The following CCDC83 variants were observed in gnomAD, a reference collection of about 807,000 sequenced individuals.
The protein encoded by CCDC83 is coiled-coil domain-containing protein 83.
Under a neutral mutation model 50.1 loss-of-function variants are expected in CCDC83, and 54 were observed. The observed-to-expected ratio is 1.08, with a 90% CI of 0.87 to 1.35. CCDC83 has a LOEUF of 1.35. Ranked by LOEUF, CCDC83 falls within the 40% of genes most tolerant of loss-of-function variation. The pLI, the probability that CCDC83 is intolerant of heterozygous loss-of-function variation, is 0.00. For synonymous variants in CCDC83, 161 were observed against 153.3 expected, an observed-to-expected ratio of 1.05 and a Z score of -0.37; for missense variants, 518 against 473.9, an observed-to-expected ratio of 1.09 and a Z score of -0.86.
intron 1 of CCDC83, among the ~76,000 whole-genome samples, chr11:85,856,673 G>T (rs967897072): frequency 6.6e-6 from 1 of 152,118 alleles, no homozygotes; most frequent in Non-Finnish European, 1.5e-5. Flanking sequence ...ATCATCAGTC[G>T]TCCAAGTGAA....
chr11:85,859,956 A>T (rs2093165758), intron 1 of CCDC83, among the ~76,000 whole-genome samples: 1 of 152,300 alleles, frequency 6.6e-6, no homozygotes, highest in African/African-American at 2.4e-5. Context: ...TAAGGAACTT[A>T]ATTCAGCAAA....
intron 3 of CCDC83, among the ~76,000 whole-genome samples, chr11:85,875,678 G>A (rs1243115278): frequency 6.6e-6 from 1 of 152,172 alleles, no homozygotes; most frequent in Non-Finnish European, 1.5e-5. Flanking sequence ...TTGTTGAGTT[G>A]ATTCATGCTA....
rs1265603753 is a variant in CCDC83, at chr11:85,915,970, T to G, written c.875-58T>G. ...AAAATGTGACAAAGTATGTATTGCA[T>G]TTTTATTTGTATATGTTCAAAATGT... On this transcript the variant is annotated intron_variant, in intron 9 of 10. Coordinates refer to ENST00000342404, the MANE Select transcript of CCDC83 (RefSeq NM_001286159.2). 2.5e-6 allele frequency: 3 copies of G among 1,194,406 alleles called. No homozygotes were observed. The Admixed American group carries it at 6.6e-5, about 26-fold the overall frequency. The allele number at this position is 1,194,406 out of a possible 1,614,324, so 74.0% of individuals were successfully genotyped here. A position where few individuals can be genotyped will look rare whatever the true frequency, so the allele number is the denominator to read the frequency against.
At chr11:85,919,210 G>T in intron 10 of CCDC83, 139 bp from the exon 11 acceptor site, 1 of 728,858 alleles carries the variant, frequency 1.4e-6, no homozygotes, top group Non-Finnish European at 2.2e-6. Flanking sequence ...CATATTTCAT[G>T]TGCTACACAG....
chr11:85,912,509 G>A (rs1565157354), intron 8 of CCDC83: 5 of 670,440 alleles, frequency 7.5e-6, no homozygotes, highest in African/African-American at 5.3e-5. Context: ...TAGATGAGGT[G>A]AGGCTGAATG....
intron 7 of CCDC83, among the ~76,000 whole-genome samples, chr11:85,906,673 G>A: frequency 6.6e-6 from 1 of 152,156 alleles, no homozygotes; most frequent in African/African-American, 2.4e-5. Context: ...GAGCCTAGGA[G>A]TTTGAGACAA....
At chr11:85,890,953 C>CAA (rs2093348106) in intron 5 of CCDC83, among the ~76,000 whole-genome samples, 1 of 152,080 alleles carries the variant, frequency 6.6e-6, no homozygotes, top group South Asian at 2.1e-4. Flanking sequence ...AGGAAAGAGA[C>CAA]AAAAATTAAG....
chr11:85,908,551 T>TTAGATAGATAGA (rs58433339), intron 7 of CCDC83, among the ~76,000 whole-genome samples: 248 of 137,524 alleles, frequency 1.8e-3, no homozygotes, highest in Middle Eastern at 7.1e-3. Context: ...GACTAGATGA[T>TTAGATAGATAGA]TAGATAGATA....
At chr11:85,907,801 A>G (rs1266795081) in intron 7 of CCDC83, among the ~76,000 whole-genome samples, 3 of 152,220 alleles carry the variant, frequency 2.0e-5, no homozygotes, top group African/African-American at 7.2e-5. Context: ...CTTAGCCTCT[A>G]AGAGTGGATG....
At chr11:85,882,948 A>G (rs1367642147) in intron 4 of CCDC83, among the ~76,000 whole-genome samples, 2 of 152,080 alleles carry the variant, frequency 1.3e-5, no homozygotes, top group Non-Finnish European at 2.9e-5. Context: ...GATAGGGTGT[A>G]GTTCAGTCAC....
intron 2 of CCDC83, among the ~76,000 whole-genome samples, chr11:85,871,326 C>T (rs2093236110): frequency 6.6e-6 from 1 of 152,210 alleles, no homozygotes. Flanking sequence ...GCATAGAGTT[C>T]ATCTCCATCA....
At chr11:85,872,352 G>T (rs930422397) in intron 2 of CCDC83, among the ~76,000 whole-genome samples, 1 of 152,174 alleles carries the variant, frequency 6.6e-6, no homozygotes, top group African/African-American at 2.4e-5. Flanking sequence ...GGGTGTGGGG[G>T]CAGGCGCCTA....
intron 7 of CCDC83, among the ~76,000 whole-genome samples, chr11:85,907,920 C>T (rs1342215841): frequency 6.6e-6 from 1 of 152,124 alleles, no homozygotes. Flanking sequence ...CCAAATGTTG[C>T]ATTAATTCCT....
rs1026521605 is a variant in CCDC83 at position 85,855,450 on chromosome 11, TCTC to T, written c.-161_-159del. 1.3e-5 allele frequency: 2 copies of T among 152,188 alleles called. No homozygotes were observed. The highest frequency in any genetic ancestry group is 4.8e-5 in the African/African-American group (2 of 41,414). The allele number at this position is 152,188 out of a possible 1,614,324, so 9.4% of individuals were successfully genotyped here. A position where few individuals can be genotyped will look rare whatever the true frequency, so the allele number is the denominator to read the frequency against. On this transcript the variant is annotated 5_prime_UTR_variant, in exon 1 of 11. Transcript: ENST00000342404. ...AGGGCTCTGATAGGCCCACTCCTCT[TCTC>T]CACCCAGGAGATGAGAAGGAGGGCA... is the stretch of plus-strand genomic sequence containing the variant.
Position 85,917,213 on chromosome 11 carries a change from A to AGAGAGAAAGAAAGAAAGAAG in CCDC83, c.1080+982_1080+983insGAGAAAGAAAGAAAGAAGGA, listed in dbSNP as rs1554986939. On this transcript the variant is annotated intron_variant, in intron 10 of 10. Coordinates refer to ENST00000342404, the MANE Select transcript of CCDC83 (RefSeq NM_001286159.2). ...GAAAGAGAAAGAAAGAAAGAAGGAA[A>AGAGAGAAAGAAAGAAAGAAG]GAAAGAAAGAAAGAAAGAAAAGAAA... Among the ~76,000 whole-genome samples the AGAGAGAAAGAAAGAAAGAAG allele has an allele frequency of 2.8e-3, 318 of 114,822 alleles. 6 individuals are homozygous for AGAGAGAAAGAAAGAAAGAAG. The highest frequency in any genetic ancestry group is 4.5e-3 in the Non-Finnish European group (242 of 53,804). 75.3% of individuals were successfully genotyped at this position (114,822 alleles called of 152,430 possible). A position where few individuals can be genotyped will look rare whatever the true frequency, so the allele number is the denominator to read the frequency against.
chr11:85,905,540 G>A (rs1165595847), intron 7 of CCDC83, among the ~76,000 whole-genome samples: 3 of 151,828 alleles, frequency 2.0e-5, no homozygotes, highest in Non-Finnish European at 4.4e-5. Flanking sequence ...AACCCGGGAG[G>A]TGGAGGTTGC....
chr11:85,889,331 G>A (rs1413078224), intron 5 of CCDC83, among the ~76,000 whole-genome samples: 2 of 152,248 alleles, frequency 1.3e-5, no homozygotes. Flanking sequence ...TAGTCTAGGT[G>A]ACAGAGAGAG....
At chr11:85,892,207 G>A (rs1247184914) in intron 5 of CCDC83, among the ~76,000 whole-genome samples, 40 of 152,214 alleles carry the variant, frequency 2.6e-4, no homozygotes, top group Non-Finnish European at 4.6e-4. Flanking sequence ...TGTGGGGTCA[G>A]CTTCTGGGAA....
chr11:85,884,022 T>TA (rs749892966), intron 4 of CCDC83, among the ~76,000 whole-genome samples: 3 of 152,210 alleles, frequency 2.0e-5, no homozygotes, highest in Non-Finnish European at 2.9e-5. Context: ...AATACTTTAG[T>TA]AAGTCCCTTG....
Sources: gnomAD v4.1 joint callset for allele counts (sites outside exome capture counted in the v4.1 genomes callset) on GRCh38, gnomAD v4.1.1 for gene constraint, MANE v1.5 for transcripts, NCBI Gene and HGNC (gene_info 2026-07-23, HGNC 2026-07-21) for gene names.